Variants in DNAH2 observed in about 807,000 individuals in gnomAD.
DNAH2 encodes axonemal beta dynein heavy chain 2.
In DNAH2, 323 loss-of-function variants were observed where a neutral mutation model predicts 523.5. That is an observed-to-expected ratio of 0.62 (90% CI 0.56 to 0.68). The LOEUF is 0.68. Ranked by LOEUF, DNAH2 falls within the 30% of genes least tolerant of loss-of-function variation. The pLI is 0.00. For missense variants in DNAH2, 4,907 were observed against 5,701.5 expected (o/e 0.86, Z 4.49); for synonymous variants, 2,093 against 2,177.4 (o/e 0.96, Z 1.08).
At chr17:7,789,337 A>G (rs971568497) in intron 44 of DNAH2, among the ~76,000 whole-genome samples, 1 of 152,180 alleles carries the variant, frequency 6.6e-6, no homozygotes, top group Non-Finnish European at 1.5e-5. Flanking sequence ...GTGCAGACAC[A>G]CAGGAGTCAG....
At chr17:7,777,140 AAAAG>A (rs2076477363) in intron 32 of DNAH2, among the ~76,000 whole-genome samples, 1 of 151,800 alleles carries the variant, frequency 6.6e-6, no homozygotes, top group South Asian at 2.1e-4. Flanking sequence ...AAAAAAAAAA[AAAAG>A]AAAGAAAAGA....
chr17:7,803,637 T>C (rs1368268752), intron 58 of DNAH2, among the ~76,000 whole-genome samples: 2 of 151,112 alleles, frequency 1.3e-5, no homozygotes, highest in African/African-American at 2.4e-5. Flanking sequence ...ATCATTGCAC[T>C]CCAGCCTGGG....
intron 2 of DNAH2, among the ~76,000 whole-genome samples, chr17:7,722,935 T>G (rs921002527): frequency 6.7e-6 from 1 of 149,980 alleles, no homozygotes; most frequent in African/African-American, 2.5e-5. Context: ...TGTTTAGCTT[T>G]CTTTCTTTTC....
intron 76 of DNAH2, 32 bp downstream of exon 76, chr17:7,824,336 T>C: frequency 6.7e-7 from 1 of 1,497,954 alleles, no homozygotes; most frequent in Non-Finnish European, 8.9e-7. Context: ...CACCCCCATC[T>C]TCAGCCCAGT....
At chr17:7,737,767 G>A (rs2075183781) in intron 8 of DNAH2, among the ~76,000 whole-genome samples, 1 of 152,170 alleles carries the variant, frequency 6.6e-6, no homozygotes, top group Non-Finnish European at 1.5e-5. Flanking sequence ...AGAGTAAGGG[G>A]CCACCTAGGA....
chr17:7,760,785 G>T lies in DNAH2; in HGVS notation c.2831G>T (p.Gly944Val). 3 of 1,614,154 alleles carry T rather than the reference G, an allele frequency of 1.9e-6. No homozygotes were observed. The highest frequency in any genetic ancestry group is 3.3e-5 in the Admixed American group (2 of 60,018). ...IKKIQTQISS[G>V]MTNNASLLQN... ...AAGATCCAGACCCAAATCAGCAGCG[G>T]CATGACTAACAACGCAAGCCTGCTG... Residue 944 changes from glycine to valine, a missense_variant, in exon 18 of 86, where the codon GGC becomes GTC. Physicochemically the swap from Gly to Val is moderately radical, Grantham distance 109. Coordinates refer to ENST00000572933, the MANE Select transcript of DNAH2 (RefSeq NM_020877.5). The surrounding 1 kb of genome is among the most constrained non-coding windows in gnomAD (Gnocchi z 4.0).
chr17:7,727,912 A>G (rs532893521), intron 4 of DNAH2, among the ~76,000 whole-genome samples: 2 of 152,190 alleles, frequency 1.3e-5, no homozygotes, highest in Non-Finnish European at 2.9e-5. Flanking sequence ...GGAAGCCTTG[A>G]TGGTGGAGGT....
In DNAH2 at chr17:7,749,308, C is replaced by CAAAAAAAAAAAAAAAAAAAAAAAAAAAAA. The variant is rs57660603; in HGVS notation, c.1904+6178_1904+6206dup. ...GGGCAACAAGAGCTAAACTCCCCCCCAAAAAAAAAAAAAAAAAAAAAAAAA... is the reference window on the plus strand; with the variant it reads ...GGGCAACAAGAGCTAAACTCCCCCCCAAAAAAAAAAAAAAAAAAAAAAAAAAAAAAAAAAAAAAAAAAAAAAAAAAAAAA... On this transcript the variant is annotated intron_variant, in intron 12 of 85. Coordinates refer to ENST00000572933, the MANE Select transcript of DNAH2 (RefSeq NM_020877.5). Among the ~76,000 whole-genome samples, 51 of 17,766 alleles carry CAAAAAAAAAAAAAAAAAAAAAAAAAAAAA rather than the reference C, an allele frequency of 2.9e-3. 24 individuals are homozygous for CAAAAAAAAAAAAAAAAAAAAAAAAAAAAA. The Middle Eastern group carries it at 0.1, about 35-fold the overall frequency. 11.7% of individuals were successfully genotyped at this position (17,766 alleles called of 152,430 possible). A position where few individuals can be genotyped will look rare whatever the true frequency, so the allele number is the denominator to read the frequency against.
chr17:7,761,889 T>C (rs1459523377), intron 18 of DNAH2, among the ~76,000 whole-genome samples: 4 of 150,862 alleles, frequency 2.7e-5, no homozygotes, highest in African/African-American at 9.8e-5. Context: ...ATTCATTGTA[T>C]GGGCCATGAG....
rs539348923 is a variant in DNAH2, at chr17:7,734,188, C to T, written c.634C>T (p.Arg212Trp). The T allele has an allele frequency of 2.5e-5, 40 of 1,590,962 alleles. No individual in the cohort carries two copies. The highest frequency in any genetic ancestry group is 1.9e-4 in the South Asian group (17 of 87,344). The stretch of plus-strand genomic sequence containing the variant: ...ACAAACTTTCCTTTCCTTAGACACT[C>T]GGTACAAACTGGAGGGGCACACGGT... ...HKFLACLTDT[R>W]YKLEGHTVLY... Residue 212 changes from arginine (R) to tryptophan (W), a missense_variant, in exon 6 of 86, where the codon CGG (arginine) becomes TGG (tryptophan). This residue lies in a region of DNAH2 where 2,806 missense variants were observed against 3,190.8 expected (regional missense o/e 0.88). Transcript: ENST00000572933.
In DNAH2 at chr17:7,734,628, G is replaced by A. The variant is rs1318981178; in HGVS notation, c.898G>A (p.Val300Met). 1 of 1,613,446 alleles carries A rather than the reference G, an allele frequency of 6.2e-7. No individual in the cohort carries two copies. Among genetic ancestry groups the A allele is most frequent in the Non-Finnish European group, 8.5e-7 (1 of 1,179,946 alleles). The change falls in exon 7 of 86, where the codon GTG becomes ATG. Residue 300 changes from valine to methionine, a missense_variant. Val to Met is a conservative substitution (Grantham distance 21, BLOSUM62 1). Coordinates refer to ENST00000572933, the MANE Select transcript of DNAH2 (RefSeq NM_020877.5). ...GISKQLVKKG[V>M]KHVESILHLA... is the part of the protein sequence containing the mutation. ...CAGTAAGCAGCTGGTGAAGAAGGGA[G>A]TGAAGCACGTTGAATCCATCCTGCA... is the stretch of plus-strand genomic sequence containing the variant.
At chr17:7,747,023 G>A (rs1371591675) in intron 12 of DNAH2, among the ~76,000 whole-genome samples, 2 of 151,316 alleles carry the variant, frequency 1.3e-5, no homozygotes, top group Non-Finnish European at 2.9e-5. Flanking sequence ...AGCTTGTAAG[G>A]GAAAAAGTGA....
chr17:7,723,268 CTTTTTTTTTTTTT>C (rs58689789), intron 2 of DNAH2, among the ~76,000 whole-genome samples: 1 of 59,914 alleles, frequency 1.7e-5, no homozygotes, highest in Non-Finnish European at 2.7e-5. Flanking sequence ...CTGTACCCGG[CTTTTTTTTTTTTT>C]TTTTTTTTTG....
chr17:7,728,680 C>A (rs942647742), intron 4 of DNAH2, among the ~76,000 whole-genome samples: 3 of 152,118 alleles, frequency 2.0e-5, no homozygotes. Flanking sequence ...ATCTTAATAT[C>A]ATAAAGATCA....
In DNAH2 at chr17:7,721,009, T is replaced by C. The variant is rs71361409; in HGVS notation, c.166+1109T>C. 2.5e-3 allele frequency among the ~76,000 whole-genome samples: 348 copies of C among 138,824 alleles called. 1 individual carries two copies. The highest frequency in any genetic ancestry group is 3.9e-3 in the Non-Finnish European group (257 of 65,312). 91.1% of individuals were successfully genotyped at this position (138,824 alleles called of 152,430 possible). On this transcript the variant is annotated intron_variant, in intron 2 of 85. Transcript: ENST00000572933. ...AAGCTTTCTTTTCTTTCTTTCTTTTTTTTTTTTTTTTTTTTTTGAGACAAA... is the reference window on the plus strand; with the variant it reads ...AAGCTTTCTTTTCTTTCTTTCTTTTCTTTTTTTTTTTTTTTTTGAGACAAA...
At chr17:7,795,653 ATATATATATATAATATT>A (rs1270459732) in intron 49 of DNAH2, among the ~76,000 whole-genome samples, 1 of 95,700 alleles carries the variant, frequency 1.0e-5, no homozygotes, top group African/African-American at 2.9e-5. Flanking sequence ...CAGCTTGAAT[ATATATATATATAATATT>A]TATATATATA....
chr17:7,759,962 C>CA, intron 17 of DNAH2, 24 bp downstream of exon 17: 1 of 1,614,108 alleles, frequency 6.2e-7, no homozygotes, highest in Non-Finnish European at 8.5e-7. Flanking sequence ...GGGGAGGGCA[C>CA]AAGGCACAGG....
At chr17:7,797,351 G>A (rs1385522606) in intron 51 of DNAH2, 49 bp from the exon 52 acceptor site, 4 of 1,613,538 alleles carry the variant, frequency 2.5e-6, no homozygotes, top group Non-Finnish European at 3.4e-6. Flanking sequence ...CCTTCCCCAG[G>A]CCATTCTCCT....
chr17:7,778,956 A>G lies in DNAH2; in HGVS notation c.5542-287A>G, dbSNP rs181825605. 2.5e-3 allele frequency among the ~76,000 whole-genome samples: 383 copies of G among 152,344 alleles called. 1 individual carries two copies. Among genetic ancestry groups the G allele is most frequent in the African/African-American group, 8.4e-3 (351 of 41,570 alleles). The stretch of plus-strand genomic sequence containing the variant: ...CAAAATCAGAAGATTATAAAGGATT[A>G]AAGAAAATAATGTGTGTTAACTGGA... On this transcript the variant is annotated intron_variant, in intron 35 of 85. Coordinates refer to ENST00000572933, the MANE Select transcript of DNAH2 (RefSeq NM_020877.5).
Sources: allele counts gnomAD v4.1 joint callset (sites outside exome capture counted in the v4.1 genomes callset), GRCh38; gene constraint gnomAD v4.1.1; regional missense constraint gnomAD v4.1.1; non-coding constraint Gnocchi (gnomAD v3.1); transcripts MANE v1.5; gene names NCBI Gene and HGNC (gene_info 2026-07-23, HGNC 2026-07-21).